The following DNAJA3 variants were observed in gnomAD, a reference collection of about 807,000 sequenced individuals.
DNAJA3 encodes the protein dnaJ homolog subfamily A member 3, mitochondrial.
In DNAJA3, 29 loss-of-function variants were observed where a neutral mutation model predicts 54.9. The observed-to-expected ratio is 0.53, with a 90% CI of 0.39 to 0.72. The LOEUF (loss-of-function observed/expected upper bound fraction) is 0.72, where lower values mean the gene tolerates loss of function less well. DNAJA3 is among the 30% of genes least tolerant of loss of function. The probability of loss-of-function intolerance (pLI) is 0.00; values close to 1 mark genes in which losing one functional copy is unlikely to be tolerated. For missense variants in DNAJA3, 708 were observed against 639.4 expected, an observed-to-expected ratio of 1.11 and a Z score of -1.16; for synonymous variants, 302 against 251.4, an observed-to-expected ratio of 1.20 and a Z score of -1.90.
intron 1 of DNAJA3, among the ~76,000 whole-genome samples, chr16:4,429,511 G>A (rs866227665): frequency 5.3e-5 from 8 of 152,180 alleles, no homozygotes; most frequent in Non-Finnish European, 7.4e-5. Flanking sequence ...GTGAGTCACC[G>A]CGCCCGGCCT....
At chr16:4,434,288 G>C in intron 1 of DNAJA3, 96 bp from the exon 2 acceptor site, 1 of 1,387,472 alleles carries the variant, frequency 7.2e-7, no homozygotes, top group Non-Finnish European at 9.9e-7. Flanking sequence ...CAGTTTGTTT[G>C]TTCCTTCACA....
chr16:4,442,921 C>A, intron 5 of DNAJA3, 96 bp from the exon 6 acceptor site: 2 of 1,427,840 alleles, frequency 1.4e-6, no homozygotes, highest in Non-Finnish European at 1.9e-6. Context: ...AAAAAACAAG[C>A]CTTAAAGAGA....
chr16:4,426,914 C>G (rs940365136), intron 1 of DNAJA3: 5 of 151,856 alleles, frequency 3.3e-5, no homozygotes, highest in African/African-American at 9.7e-5. Context: ...GTTTTCTTTT[C>G]TTTTCTTTTC....
chr16:4,441,596 A>ACT (rs764268775), intron 4 of DNAJA3, 21 bp downstream of exon 4: 13 of 1,610,256 alleles, frequency 8.1e-6, no homozygotes, highest in Non-Finnish European at 9.3e-6. Context: ...CACTTGGAAG[A>ACT]ATTATTCAAA....
Position 4,454,910 on chromosome 16 carries a change from C to G in DNAJA3, c.1439C>G (p.Ser480Ter). Reference sequence around the variant, plus strand: ...TCCAAACTTAAGAAAATGTTTACCTCATGATATCCCAGCCGAGGTAGGAAA... The same window carrying G: ...TCCAAACTTAAGAAAATGTTTACCTGATGATATCCCAGCCGAGGTAGGAAA... ...FLSKLKKMFTS is the reference protein window; with the variant it reads ...FLSKLKKMFT Residue 480 changes from serine (S) to a stop codon, truncating the protein, a stop_gained, in exon 11 of 12, where the codon TCA (serine) becomes TGA (stop). Transcript: ENST00000262375. LOFTEE classifies it high-confidence loss of function. 1 of 1,611,552 alleles carries G rather than the reference C, an allele frequency of 6.2e-7. No individual in the cohort carries two copies. The highest frequency in any genetic ancestry group is 8.5e-7 in the Non-Finnish European group (1 of 1,177,832).
chr16:4,435,159 CA>C (rs1241116448), intron 2 of DNAJA3, among the ~76,000 whole-genome samples: 1 of 152,068 alleles, frequency 6.6e-6, no homozygotes. Flanking sequence ...CTCAGCCTCC[CA>C]AAGTGCTGGG....
chr16:4,452,442 T>C (rs2056989829), intron 10 of DNAJA3, among the ~76,000 whole-genome samples: 1 of 152,158 alleles, frequency 6.6e-6, no homozygotes, highest in African/African-American at 2.4e-5. Flanking sequence ...CACCAGTTGA[T>C]GTTTTGACCC....
chr16:4,443,765 C>T (rs2056867290), intron 6 of DNAJA3, among the ~76,000 whole-genome samples: 1 of 152,062 alleles, frequency 6.6e-6, no homozygotes. Context: ...CGGCCCACTG[C>T]AAGCTCTGCC....
At chr16:4,441,606 A>G (rs1326818179) in intron 4 of DNAJA3, 31 bp downstream of exon 4, 1 of 1,608,824 alleles carries the variant, frequency 6.2e-7, no homozygotes, top group Non-Finnish European at 8.5e-7. Context: ...AATTATTCAA[A>G]TTTTAGACTA....
intron 1 of DNAJA3, among the ~76,000 whole-genome samples, chr16:4,432,871 G>T (rs2056723462): frequency 6.6e-6 from 1 of 152,130 alleles, no homozygotes; most frequent in South Asian, 2.1e-4. Flanking sequence ...GCCGGGCACG[G>T]TGGCTCACGC....
At chr16:4,430,003 A>G (rs1368677063) in intron 1 of DNAJA3, among the ~76,000 whole-genome samples, 2 of 151,722 alleles carry the variant, frequency 1.3e-5, no homozygotes, top group Non-Finnish European at 2.9e-5. Flanking sequence ...TCTCTACCAA[A>G]AAATTAATAA....
chr16:4,434,085 G>T, intron 1 of DNAJA3: 1 of 328,076 alleles, frequency 3.0e-6, no homozygotes, highest in South Asian at 3.8e-5. Context: ...CATGGCAGCA[G>T]GAAGAATGAG....
At chr16:4,432,335 C>CT (rs538764932) in intron 1 of DNAJA3, among the ~76,000 whole-genome samples, 4,540 of 73,214 alleles carry the variant, frequency 0.062, 279 homozygotes, top group African/African-American at 0.16. Context: ...ATTTTTCTTT[C>CT]TTTTTTTTTT....
At chr16:4,441,838 C>G (rs1215788024) in intron 4 of DNAJA3, among the ~76,000 whole-genome samples, 2 of 152,132 alleles carry the variant, frequency 1.3e-5, no homozygotes, top group African/African-American at 2.4e-5. Context: ...TGAGTGTTGT[C>G]TCTCATCTGC....
chr16:4,452,155 C>T (rs1454844909), intron 10 of DNAJA3, among the ~76,000 whole-genome samples: 3 of 152,114 alleles, frequency 2.0e-5, no homozygotes, highest in African/African-American at 7.2e-5. Flanking sequence ...TGGTTTGGTA[C>T]ATATACTGTG....
Position 4,441,620 on chromosome 16 carries a change from A to T in DNAJA3, c.630+45A>T, listed in dbSNP as rs762125398. On this transcript the variant is annotated intron_variant, in intron 4 of 11. Coordinates refer to ENST00000262375, the MANE Select transcript of DNAJA3 (RefSeq NM_005147.6). ...GAATTATTCAAATTTTAGACTAAGT[A>T]TGGGTCAAACAAATTTTTTTATCAG... 5 of 1,593,708 alleles carry T rather than the reference A, an allele frequency of 3.1e-6. No homozygotes were observed. In the South Asian group the frequency reaches 3.4e-5, roughly 11 times the overall value.
intron 1 of DNAJA3, among the ~76,000 whole-genome samples, chr16:4,429,316 T>C (rs1021393618): frequency 2.4e-4 from 36 of 151,972 alleles, no homozygotes; most frequent in Admixed American, 1.6e-3. Context: ...CTCCGCTTCC[T>C]GGGTTCAAGT....
At chr16:4,436,626 C>G (rs2056775567) in intron 2 of DNAJA3, among the ~76,000 whole-genome samples, 1 of 152,060 alleles carries the variant, frequency 6.6e-6, no homozygotes, top group Non-Finnish European at 1.5e-5. Context: ...ACCTCTGTCT[C>G]CTGGGCTCAA....
chr16:4,444,786 G>A, intron 7 of DNAJA3, 58 bp downstream of exon 7: 1 of 1,466,556 alleles, frequency 6.8e-7, no homozygotes, highest in Admixed American at 1.8e-5. Flanking sequence ...GGGTGGGTGT[G>A]GCTGAGGCTG....
Sources: allele counts gnomAD v4.1 joint callset (sites outside exome capture counted in the v4.1 genomes callset), GRCh38; gene constraint gnomAD v4.1.1; transcripts MANE v1.5; gene names NCBI Gene and HGNC (gene_info 2026-07-23, HGNC 2026-07-21).